ELAVL1: variants seen among roughly 807,000 people sequenced by gnomAD.
ELAVL1 encodes the protein ELAV-like protein 1.
Under a neutral mutation model 28.4 loss-of-function variants are expected in ELAVL1, and 1 was observed. The ratio of observed to expected loss-of-function variants is 0.04; its 90% CI spans 0.01 to 0.17. The LOEUF is 0.17. Ranked by LOEUF, ELAVL1 falls within the 10% of genes least tolerant of loss-of-function variation. ELAVL1 has a pLI of 1.00. For missense variants in ELAVL1, 157 were observed against 447.2 expected (o/e 0.35, Z 5.85); for synonymous variants, 174 against 183.5 (o/e 0.95, Z 0.42).
At chr19:7,990,648 G>A (rs961880613) in intron 2 of ELAVL1, among the ~76,000 whole-genome samples, 1 of 152,196 alleles carries the variant, frequency 6.6e-6, no homozygotes, top group Non-Finnish European at 1.5e-5. Context: ...TTATAGGTGT[G>A]AGCCACTGTG....
At chr19:7,986,479 C>A (rs182021927) in intron 2 of ELAVL1, among the ~76,000 whole-genome samples, 1 of 152,352 alleles carries the variant, frequency 6.6e-6, no homozygotes, top group Admixed American at 6.5e-5. Flanking sequence ...TGTCGCTCGT[C>A]CCTCACAGGG....
chr19:7,987,691 T>C (rs1985643387), intron 2 of ELAVL1, among the ~76,000 whole-genome samples: 1 of 152,190 alleles, frequency 6.6e-6, no homozygotes, highest in African/African-American at 2.4e-5. Flanking sequence ...GCACCACTCA[T>C]TCATTCATTC....
At chr19:7,975,615 T>G (rs180998476) in intron 3 of ELAVL1, among the ~76,000 whole-genome samples, 1 of 152,218 alleles carries the variant, frequency 6.6e-6, no homozygotes, top group Non-Finnish European at 1.5e-5. Context: ...CTGCCCATTC[T>G]CAAGAATTCA....
intron 3 of ELAVL1, among the ~76,000 whole-genome samples, chr19:7,974,450 CT>C (rs1224672961): frequency 6.6e-6 from 1 of 152,220 alleles, no homozygotes; most frequent in African/African-American, 2.4e-5. Flanking sequence ...TGAAGAGAAC[CT>C]TCTGGGTGCT....
chr19:7,974,290 C>T (rs1985215885), intron 3 of ELAVL1, among the ~76,000 whole-genome samples: 1 of 152,378 alleles, frequency 6.6e-6, no homozygotes, highest in Non-Finnish European at 1.5e-5. Context: ...ACAGGAGACT[C>T]CCCTGCCAAA....
chr19:8,003,691 C>CAAAAAAA (rs35438998), intron 1 of ELAVL1, among the ~76,000 whole-genome samples: 2 of 80,768 alleles, frequency 2.5e-5, no homozygotes, highest in Non-Finnish European at 2.5e-5. Flanking sequence ...GACTCCGTCT[C>CAAAAAAA]AAAAAAAAAA....
At chr19:7,984,317 A>T (rs1480467946) in intron 2 of ELAVL1, among the ~76,000 whole-genome samples, 1 of 152,172 alleles carries the variant, frequency 6.6e-6, no homozygotes, top group African/African-American at 2.4e-5. Context: ...TGGTGGTGAG[A>T]AACTGACAAG....
chr19:8,000,238 T>C (rs1341184169), intron 1 of ELAVL1, among the ~76,000 whole-genome samples: 1 of 152,208 alleles, frequency 6.6e-6, no homozygotes, highest in Non-Finnish European at 1.5e-5. Context: ...GGGAGAAGTC[T>C]TGTTTGGATG....
chr19:7,981,226 C>T lies in ELAVL1; in HGVS notation c.173-40G>A. On this transcript the variant is annotated intron_variant, in intron 2 of 5. Transcript: ENST00000407627. The surrounding 1 kb of genome is among the most constrained non-coding windows in gnomAD (Gnocchi z 4.2). ...ATGAAGACATTGGTAAGCCAACCGT[C>T]TGCGAGTGAGGGACAGGGAGGTCGG... The T allele has an allele frequency of 6.2e-7, 1 of 1,607,350 alleles. No homozygotes were observed. The highest frequency in any genetic ancestry group is 8.5e-7 in the Non-Finnish European group (1 of 1,173,832).
chr19:7,967,510 C>T (rs1599664653), intron 5 of ELAVL1, 55 bp downstream of exon 5: 12 of 1,575,276 alleles, frequency 7.6e-6, no homozygotes, highest in Admixed American at 1.8e-5. Context: ...GCTGTGCCGT[C>T]GCCTGCCAGC....
chr19:7,963,830 C>T lies in ELAVL1; in HGVS notation c.657-23G>A, dbSNP rs1426416405. 5 of 1,608,266 alleles carry T rather than the reference C, an allele frequency of 3.1e-6. No individual in the cohort carries two copies. The highest frequency in any genetic ancestry group is 1.7e-5 in the Admixed American group (1 of 59,594). ...AACCTGGCAGACAGAGAGCAAGCGT[C>T]AGGCCACGGTCAGCGCAGGCGGCCT... On this transcript the variant is annotated intron_variant, in intron 5 of 5. Transcript: ENST00000407627. This position sits in a 1 kb window ranked among gnomAD's most constrained non-coding sequence, Gnocchi z 4.5.
In ELAVL1 at chr19:7,963,943, A is replaced by G; in HGVS notation, c.657-136T>C. Reference sequence around the variant, plus strand: ...CAGCCACGAGGTGCTCACGGTTGAGACACCTGCATGGGTCAAAACCCTGGG... The same window carrying G: ...CAGCCACGAGGTGCTCACGGTTGAGGCACCTGCATGGGTCAAAACCCTGGG... On this transcript the variant is annotated intron_variant, in intron 5 of 5. Coordinates refer to ENST00000407627, the MANE Select transcript of ELAVL1 (RefSeq NM_001419.3). This position sits in a 1 kb window ranked among gnomAD's most constrained non-coding sequence, Gnocchi z 4.5. 1 of 960,436 alleles carries G rather than the reference A, an allele frequency of 1.0e-6. No homozygotes were observed. The highest frequency in any genetic ancestry group is 2.8e-5 in the Admixed American group (1 of 35,272). The allele number at this position is 960,436 out of a possible 1,614,324, so 59.5% of individuals were successfully genotyped here.
intron 3 of ELAVL1, 55 bp from the exon 4 acceptor site, chr19:7,973,933 A>G (rs891509746): frequency 2.2e-5 from 35 of 1,596,696 alleles, no homozygotes; most frequent in Admixed American, 1.5e-4. Context: ...CAAAGCATTG[A>G]GGAGGGTGTT....
chr19:7,990,426 T>C (rs1985719842), intron 2 of ELAVL1, among the ~76,000 whole-genome samples: 1 of 148,838 alleles, frequency 6.7e-6, no homozygotes, highest in Non-Finnish European at 1.5e-5. Context: ...CTTGGTAAGG[T>C]GCAATCTCAG....
intron 1 of ELAVL1, among the ~76,000 whole-genome samples, chr19:8,000,297 TG>T (rs2081063293): frequency 6.6e-6 from 1 of 152,208 alleles, no homozygotes; most frequent in African/African-American, 2.4e-5. Flanking sequence ...CAATCCTGGT[TG>T]TCTATGTGAC....
intron 1 of ELAVL1, among the ~76,000 whole-genome samples, chr19:7,996,586 A>G (rs2081050001): frequency 6.6e-6 from 1 of 151,612 alleles, no homozygotes; most frequent in African/African-American, 2.4e-5. Context: ...TGGGTGGATC[A>G]CCTGAGGTCA....
intron 1 of ELAVL1, among the ~76,000 whole-genome samples, chr19:8,003,600 A>C (rs1236953254): frequency 6.6e-6 from 1 of 150,766 alleles, no homozygotes. Flanking sequence ...GCTGAGGCAG[A>C]AGAATGGCGT....
In ELAVL1 at chr19:7,991,725, T is replaced by C; in HGVS notation, c.91A>G (p.Met31Val). 6.2e-7 allele frequency: 1 copy of C among 1,614,206 alleles called. No individual in the cohort carries two copies. The highest frequency in any genetic ancestry group is 8.5e-7 in the Non-Finnish European group (1 of 1,180,028). The change falls in exon 2 of 6, where the codon ATG becomes GTG. Residue 31 changes from methionine (M) to valine (V), a missense_variant. By Grantham distance (21) the Met-to-Val change is conservative. Transcript: ENST00000407627. ...AGGCTTCGTAACTCATCCTGGGTCA[T>C]GTTCTGAGGGAGGTAGTTGACGATC... ...NLIVNYLPQN[M>V]TQDELRSLFS...
At chr19:8,002,920 G>C (rs967295375) in intron 1 of ELAVL1, among the ~76,000 whole-genome samples, 1 of 152,124 alleles carries the variant, frequency 6.6e-6, no homozygotes, top group Non-Finnish European at 1.5e-5. Flanking sequence ...TCAAGAAAAC[G>C]TGTCTTTTTT....
Sources: gnomAD v4.1 joint callset for allele counts (sites outside exome capture counted in the v4.1 genomes callset) on GRCh38, gnomAD v4.1.1 for gene constraint, Gnocchi (gnomAD v3.1) non-coding constraint, MANE v1.5 for transcripts, NCBI Gene and HGNC (gene_info 2026-07-23, HGNC 2026-07-21) for gene names.